Variants in TRMT2B observed in about 807,000 individuals in gnomAD.
TRMT2B encodes tRNA (uracil-5-)-methyltransferase homolog B.
Under a neutral mutation model 39.7 loss-of-function variants are expected in TRMT2B, and 34 were observed. The ratio of observed to expected loss-of-function variants is 0.86; its 90% confidence interval spans 0.65 to 1.14. The LOEUF (loss-of-function observed/expected upper bound fraction) is 1.14, where lower values mean the gene tolerates loss of function less well. Among genes scored for constraint, TRMT2B ranks in the 50% most tolerant of loss-of-function variants. The pLI is 0.00. For missense variants in TRMT2B, 318 were observed against 377.2 expected, an observed-to-expected ratio of 0.84 and a Z score of 1.30; for synonymous variants, 132 against 137.3, an observed-to-expected ratio of 0.96 and a Z score of 0.27.
chrX:100,990,643 A>G, the TRMT2B span: 2 of 1,071,006 alleles, frequency 1.9e-6, no homozygotes, highest in Non-Finnish European at 1.3e-6. Context: ...ACCTTGGTAA[A>G]AAAGAACAGA....
At chrX:101,020,426 C>T in intron 11 of TRMT2B, 61 bp downstream of exon 11, 2 of 1,001,679 alleles carry the variant, frequency 2.0e-6, no homozygotes, top group Non-Finnish European at 2.8e-6. Flanking sequence ...CCACACAACT[C>T]TTTCCATAGC....
chrX:100,980,889 G>T, the TRMT2B span, among the ~76,000 whole-genome samples: 1 of 111,699 alleles, frequency 9.0e-6, no homozygotes, highest in Admixed American at 9.5e-5. Context: ...AAATGTCATC[G>T]GGGAGCCATG....
the TRMT2B span, among the ~76,000 whole-genome samples, chrX:100,982,752 C>A: frequency 5.0e-3 from 535 of 106,744 alleles, 5 homozygotes; most frequent in African/African-American, 0.017. Flanking sequence ...ATTGACCAGG[C>A]TCAAGCGATC....
chrX:100,982,375 T>A, the TRMT2B span, among the ~76,000 whole-genome samples: 1 of 110,272 alleles, frequency 9.1e-6, no homozygotes, highest in Admixed American at 9.7e-5. Context: ...GCCTGTAATC[T>A]CAGCTACGCA....
chrX:100,984,275 G>A, the TRMT2B span, among the ~76,000 whole-genome samples: 2 of 109,397 alleles, frequency 1.8e-5, no homozygotes, highest in African/African-American at 3.3e-5. Flanking sequence ...CACCGCACCC[G>A]GCTAAGTTGT....
intron 7 of TRMT2B, among the ~76,000 whole-genome samples, chrX:101,026,493 A>AG (rs2087102009): frequency 9.2e-6 from 1 of 108,495 alleles, no homozygotes; most frequent in Admixed American, 1.0e-4. Flanking sequence ...AAAAAAAAAA[A>AG]GTCATATAGG....
chrX:101,050,724 CAAAAATAAAAATA>C (rs2089018964), intron 2 of TRMT2B, among the ~76,000 whole-genome samples: 1 of 102,329 alleles, frequency 9.8e-6, no homozygotes, highest in Non-Finnish European at 2.0e-5. Context: ...AACTCTGTCT[CAAAAATAAAAATA>C]AAAAATAAAA....
At chrX:101,024,179 CAG>C (rs1311837673) in intron 7 of TRMT2B, among the ~76,000 whole-genome samples, 1 of 111,101 alleles carries the variant, frequency 9.0e-6, no homozygotes, top group African/African-American at 3.3e-5. Context: ...TGTGGACACA[CAG>C]AGACACCAAG....
downstream of TRMT2B, among the ~76,000 whole-genome samples, chrX:101,005,328 G>A (rs2086092561): frequency 9.0e-6 from 1 of 111,374 alleles, no homozygotes; most frequent in Non-Finnish European, 1.9e-5. Context: ...AGGAGGTGGA[G>A]GTTGCAGTGA....
intron 7 of TRMT2B, among the ~76,000 whole-genome samples, chrX:101,033,227 G>A (rs1468315855): frequency 9.6e-6 from 1 of 104,457 alleles, no homozygotes; most frequent in Non-Finnish European, 2.0e-5. Flanking sequence ...TTGTAATCCA[G>A]CCTGGGCGAC....
chrX:101,026,185 A>T (rs1465920390), intron 7 of TRMT2B, among the ~76,000 whole-genome samples: 1 of 111,489 alleles, frequency 9.0e-6, no homozygotes, highest in Non-Finnish European at 1.9e-5. Context: ...TTCAAATATC[A>T]TATAAAGCCT....
chrX:100,990,308 G>T, the TRMT2B span: 1 of 880,482 alleles, frequency 1.1e-6, no homozygotes, highest in Non-Finnish European at 1.4e-6. Flanking sequence ...TACAATAACT[G>T]ACCTTTTTCT....
chrX:101,019,925 C>T (rs865827161), intron 11 of TRMT2B, among the ~76,000 whole-genome samples: 1 of 110,686 alleles, frequency 9.0e-6, no homozygotes, highest in African/African-American at 3.3e-5. Context: ...CCACCATGCC[C>T]GGCTATTTTA....
intron 4 of TRMT2B, among the ~76,000 whole-genome samples, chrX:101,040,220 G>A (rs1168686626): frequency 9.8e-6 from 1 of 101,901 alleles, no homozygotes; most frequent in African/African-American, 3.4e-5. Context: ...CTTGAACCCG[G>A]GAGACAGAGG....
downstream of TRMT2B, among the ~76,000 whole-genome samples, chrX:101,007,185 A>C (rs142318127): frequency 8.9e-6 from 1 of 111,968 alleles, no homozygotes; most frequent in East Asian, 2.8e-4. Flanking sequence ...CAGAAGAGTT[A>C]GGGAAAAGAA....
the TRMT2B span, among the ~76,000 whole-genome samples, chrX:100,997,177 C>CT: frequency 8.9e-6 from 1 of 111,831 alleles, no homozygotes; most frequent in Non-Finnish European, 1.9e-5. Context: ...GCCTTAACAC[C>CT]TTTCCAGACC....
the TRMT2B span, among the ~76,000 whole-genome samples, chrX:100,978,747 GT>G: frequency 9.1e-6 from 1 of 110,133 alleles, no homozygotes; most frequent in South Asian, 3.8e-4. Context: ...CTTTCTGGTT[GT>G]TTTTTGGTCT....
chrX:101,030,634 G>C (rs1304313021), intron 7 of TRMT2B, among the ~76,000 whole-genome samples: 1 of 108,535 alleles, frequency 9.2e-6, no homozygotes. Flanking sequence ...TTTTAGTAGA[G>C]ATAGGGTTTC....
At chrX:100,988,280 A>C in the TRMT2B span, 12 of 1,208,120 alleles carry the variant, frequency 9.9e-6, no homozygotes, top group African/African-American at 1.0e-4. Context: ...AGTCAATCCT[A>C]CAGGTAAATG....
Sources: gnomAD v4.1 joint callset for allele counts (sites outside exome capture counted in the v4.1 genomes callset) on GRCh38, gnomAD v4.1.1 for gene constraint, MANE v1.5 for transcripts, NCBI Gene and HGNC (gene_info 2026-07-23, HGNC 2026-07-21) for gene names.